The following MALRD1 variants were observed in gnomAD, a reference collection of about 807,000 sequenced individuals.
The protein encoded by MALRD1 is MAM and LDL-receptor class A domain-containing protein 1.
In MALRD1, 247 loss-of-function variants were observed where a neutral mutation model predicts 242.1. That is an observed-to-expected ratio of 1.02 (90% CI 0.92 to 1.13). The LOEUF is 1.13. Among genes scored for constraint, MALRD1 ranks in the 50% most tolerant of loss-of-function variants. The pLI, the probability that MALRD1 is intolerant of heterozygous loss-of-function variation, is 0.00. For missense variants in MALRD1, 2,989 were observed against 2,533.1 expected, an observed-to-expected ratio of 1.18 and a Z score of -3.86; for synonymous variants, 995 against 866.6, an observed-to-expected ratio of 1.15 and a Z score of -2.60.
At chr10:19,277,488 A>G (rs963800613) in intron 19 of MALRD1, among the ~76,000 whole-genome samples, 1 of 152,116 alleles carries the variant, frequency 6.6e-6, no homozygotes, top group Non-Finnish European at 1.5e-5. Context: ...TGAGTTTTCA[A>G]GAAGAATCTG....
intron 29 of MALRD1, among the ~76,000 whole-genome samples, chr10:19,469,525 C>A (rs960623232): frequency 1.3e-5 from 2 of 152,110 alleles, no homozygotes; most frequent in Non-Finnish European, 1.5e-5. Context: ...GTGACTCATT[C>A]ATTTTATCAA....
intron 18 of MALRD1, among the ~76,000 whole-genome samples, chr10:19,214,603 G>A (rs1588707632): frequency 6.6e-6 from 1 of 152,120 alleles, no homozygotes; most frequent in Non-Finnish European, 1.5e-5. Context: ...AAAGTTTGTG[G>A]AAAATGAAGT....
At chr10:19,318,356 A>G (rs918569053) in intron 21 of MALRD1, among the ~76,000 whole-genome samples, 7 of 151,682 alleles carry the variant, frequency 4.6e-5, no homozygotes, top group African/African-American at 2.4e-5. Context: ...ATCTCCTGAC[A>G]TATCTCCTTT....
At chr10:19,072,700 CA>C (rs761153042) in intron 2 of MALRD1, among the ~76,000 whole-genome samples, 33 of 151,984 alleles carry the variant, frequency 2.2e-4, no homozygotes, top group Admixed American at 4.6e-4. Context: ...TTATAGCAAA[CA>C]AAAGTGAAGC....
intron 18 of MALRD1, among the ~76,000 whole-genome samples, chr10:19,240,850 G>T (rs1396241211): frequency 2.6e-5 from 4 of 151,922 alleles, no homozygotes; most frequent in African/African-American, 9.7e-5. Flanking sequence ...TTTCTATTGT[G>T]GTGGTGTATC....
chr10:19,603,695 A>G (rs952990616), intron 34 of MALRD1, among the ~76,000 whole-genome samples: 1 of 151,770 alleles, frequency 6.6e-6, no homozygotes, highest in Non-Finnish European at 1.5e-5. Flanking sequence ...TTGGTTTCAT[A>G]TTTTCTAACA....
intron 11 of MALRD1, among the ~76,000 whole-genome samples, chr10:19,152,187 T>C (rs1335427711): frequency 6.6e-6 from 1 of 152,184 alleles, no homozygotes; most frequent in Non-Finnish European, 1.5e-5. Context: ...CTCCTTGCCA[T>C]GACCAGGAAT....
At chr10:19,535,036 C>A (rs1589212634) in intron 32 of MALRD1, among the ~76,000 whole-genome samples, 1 of 152,204 alleles carries the variant, frequency 6.6e-6, no homozygotes, top group African/African-American at 2.4e-5. Flanking sequence ...CAGGCAGGTG[C>A]CACCACACCC....
intron 39 of MALRD1, among the ~76,000 whole-genome samples, chr10:19,732,335 T>C (rs907244493): frequency 6.6e-6 from 1 of 152,186 alleles, no homozygotes; most frequent in Non-Finnish European, 1.5e-5. Context: ...TGATCTCGAC[T>C]CACTGCAACC....
intron 21 of MALRD1, among the ~76,000 whole-genome samples, chr10:19,289,636 C>A (rs771294810): frequency 3.5e-4 from 53 of 152,196 alleles, no homozygotes; most frequent in Non-Finnish European, 5.6e-4. Context: ...GAGATTATTT[C>A]TTTTCTTAAA....
Position 19,205,085 on chromosome 10 carries a change from T to A in MALRD1, c.2398T>A (p.Tyr800Asn), listed in dbSNP as rs1254652872. The change falls in exon 17 of 40, where the codon TAT (tyrosine) becomes AAT (asparagine). Residue 800 changes from tyrosine (Y) to asparagine (N), a missense_variant. Transcript: ENST00000454679. ...ACTAGATAAAGTCAGTCTGGGCATTTATGATGGGGTCTCAGCTATTGATGA... is the reference window on the plus strand; with the variant it reads ...ACTAGATAAAGTCAGTCTGGGCATTAATGATGGGGTCTCAGCTATTGATGA... ...LSLDKVSLGI[Y>N]DGVSAIDDIR... 6 of 1,550,576 alleles carry A rather than the reference T, an allele frequency of 3.9e-6. No individual in the cohort carries two copies. The highest frequency in any genetic ancestry group is 5.2e-6 in the Non-Finnish European group (6 of 1,147,006).
At chr10:19,415,164 C>T (rs764991053) in intron 28 of MALRD1, among the ~76,000 whole-genome samples, 6 of 152,028 alleles carry the variant, frequency 3.9e-5, no homozygotes, top group African/African-American at 7.2e-5. Context: ...ATAGGACAGA[C>T]AAAATAATCT....
At chr10:19,431,594 C>G (rs1431879244) in intron 28 of MALRD1, among the ~76,000 whole-genome samples, 2 of 152,120 alleles carry the variant, frequency 1.3e-5, no homozygotes, top group East Asian at 3.9e-4. Context: ...CCTCAAAAGA[C>G]TTTTATTCAT....
intron 38 of MALRD1, among the ~76,000 whole-genome samples, chr10:19,698,886 C>T (rs546460640): frequency 6.6e-6 from 1 of 152,266 alleles, no homozygotes; most frequent in East Asian, 1.9e-4. Context: ...AGTTCATGCC[C>T]TTTGCAGGGA....
At chr10:19,560,805 C>T (rs756943785) in intron 32 of MALRD1, among the ~76,000 whole-genome samples, 16 of 151,676 alleles carry the variant, frequency 1.1e-4, no homozygotes, top group Admixed American at 2.6e-4. Context: ...CACACTGGGG[C>T]CTGTTGGGGT....
chr10:19,454,300 G>A (rs1192340882), intron 29 of MALRD1, among the ~76,000 whole-genome samples: 2 of 150,916 alleles, frequency 1.3e-5, no homozygotes, highest in South Asian at 4.2e-4. Context: ...CTATAAGGGG[G>A]AAGGCAGGAA....
chr10:19,305,324 T>C (rs1337020709), intron 21 of MALRD1, among the ~76,000 whole-genome samples: 1 of 151,662 alleles, frequency 6.6e-6, no homozygotes, highest in Non-Finnish European at 1.5e-5. Flanking sequence ...AAAATCTAGC[T>C]GAAATTCTTC....
chr10:19,718,652 A>G (rs1834534687), intron 38 of MALRD1, among the ~76,000 whole-genome samples: 1 of 152,196 alleles, frequency 6.6e-6, no homozygotes, highest in African/African-American at 2.4e-5. Context: ...ACAGCCCTGT[A>G]CCACTAAACA....
intron 28 of MALRD1, among the ~76,000 whole-genome samples, chr10:19,448,772 G>T (rs190622269): frequency 4.5e-4 from 68 of 151,788 alleles, no homozygotes; most frequent in Middle Eastern, 3.4e-3. Flanking sequence ...AACAATCATA[G>T]TTGTTACTTA....
Sources: gnomAD v4.1 joint callset for allele counts (sites outside exome capture counted in the v4.1 genomes callset) on GRCh38, gnomAD v4.1.1 for gene constraint, MANE v1.5 for transcripts, NCBI Gene and HGNC (gene_info 2026-07-23, HGNC 2026-07-21) for gene names.